Variants in SMYD3 observed in about 807,000 individuals in gnomAD.
SMYD3 encodes the protein SET and MYND domain containing 3, also known as histone-lysine N-methyltransferase SMYD3.
Under a neutral mutation model 57.7 loss-of-function variants are expected in SMYD3, and 36 were observed. The observed-to-expected ratio is 0.62, with a 90% CI of 0.48 to 0.82. The LOEUF (loss-of-function observed/expected upper bound fraction) is 0.82, where lower values mean the gene tolerates loss of function less well. Ranked by LOEUF, SMYD3 falls within the 40% of genes least tolerant of loss-of-function variation. The pLI is 0.00. For missense variants in SMYD3, 515 were observed against 538.8 expected, an observed-to-expected ratio of 0.96 and a Z score of 0.44; for synonymous variants, 211 against 195.0, an observed-to-expected ratio of 1.08 and a Z score of -0.68.
chr1:246,158,154 T>C (rs181814045), intron 5 of SMYD3, among the ~76,000 whole-genome samples: 6 of 152,334 alleles, frequency 3.9e-5, no homozygotes, highest in Admixed American at 3.3e-4. Context: ...AGTGAAGACA[T>C]CTTATCCTGA....
intron 10 of SMYD3, among the ~76,000 whole-genome samples, chr1:245,808,337 ACACATACTCTTC>A (rs1351712306): frequency 1.3e-5 from 2 of 152,196 alleles, no homozygotes; most frequent in African/African-American, 4.8e-5. Context: ...GCACCCATAT[ACACATACTCTTC>A]CACATGCTGC....
intron 1 of SMYD3, among the ~76,000 whole-genome samples, chr1:246,489,292 C>T (rs542044520): frequency 6.6e-6 from 1 of 152,194 alleles, no homozygotes; most frequent in Non-Finnish European, 1.5e-5. Flanking sequence ...GCTGAGGTTG[C>T]AGTGAGCCGA....
At chr1:246,316,377 T>G (rs1203594327) in intron 5 of SMYD3, among the ~76,000 whole-genome samples, 13 of 150,620 alleles carry the variant, frequency 8.6e-5, no homozygotes, top group Non-Finnish European at 1.6e-4. Context: ...TTTTTTTTTT[T>G]TGAGAGAGTT....
intron 1 of SMYD3, among the ~76,000 whole-genome samples, chr1:246,444,469 G>A (rs1008335365): frequency 1.3e-5 from 2 of 152,124 alleles, no homozygotes; most frequent in Non-Finnish European, 2.9e-5. Context: ...GGGTGAACCA[G>A]AGGATTTACA....
intron 10 of SMYD3, among the ~76,000 whole-genome samples, chr1:245,855,354 G>T (rs2148467513): frequency 1.3e-5 from 2 of 152,146 alleles, no homozygotes; most frequent in Admixed American, 1.3e-4. Flanking sequence ...ATACAGTGGT[G>T]CTATCAAAGG....
At chr1:246,041,571 G>A (rs970042560) in intron 5 of SMYD3, among the ~76,000 whole-genome samples, 3 of 152,210 alleles carry the variant, frequency 2.0e-5, no homozygotes, top group African/African-American at 4.8e-5. Flanking sequence ...GCCCTACGTC[G>A]TATGCACACG....
At position 246,464,898 on chromosome 1, in the gene SMYD3, AAT is replaced by A. The variant is rs576267745; in HGVS notation, c.164+42154_164+42155del. On this transcript the variant is annotated intron_variant, in intron 1 of 11. Transcript: ENST00000490107. The stretch of plus-strand genomic sequence containing the variant: ...AAGAAAGAAGAGGGTTTTGTCATAT[AAT>A]CTGATTTTAGCTTGACTTGGGAAAC... Among the ~76,000 whole-genome samples the A allele has an allele frequency of 6.6e-4, 100 of 152,316 alleles. 3 individuals are homozygous for A. Among genetic ancestry groups the A allele is most frequent in the Middle Eastern group, 6.8e-3 (2 of 294 alleles).
chr1:246,309,601 T>C (rs1448934764), intron 5 of SMYD3, among the ~76,000 whole-genome samples: 1 of 152,218 alleles, frequency 6.6e-6, no homozygotes, highest in African/African-American at 2.4e-5. Context: ...GCTTTGAAAT[T>C]ACATTCAGAA....
At position 246,312,417 on chromosome 1, in the gene SMYD3, G is replaced by A. The variant is rs550149559; in HGVS notation, c.531+14784C>T. ...GGATTTTAATAATAACTGGGACAGTGACAAAACAATATAAAAATAAAACAA... is the reference window on the plus strand; with the variant it reads ...GGATTTTAATAATAACTGGGACAGTAACAAAACAATATAAAAATAAAACAA... On this transcript the variant is annotated intron_variant, in intron 5 of 11. Coordinates refer to ENST00000490107, the MANE Select transcript of SMYD3 (RefSeq NM_001167740.2). Among the ~76,000 whole-genome samples, 9 of 152,106 alleles carry A rather than the reference G, an allele frequency of 5.9e-5. No homozygotes were observed. In the South Asian group the frequency reaches 1.9e-3, roughly 32 times the overall value.
At chr1:245,851,279 T>C (rs1428721834) in intron 10 of SMYD3, among the ~76,000 whole-genome samples, 1 of 152,216 alleles carries the variant, frequency 6.6e-6, no homozygotes, top group East Asian at 1.9e-4. Flanking sequence ...GACTTTGTAT[T>C]GCCTGTTTCG....
chr1:246,507,001 CCAG>C, intron 1 of SMYD3, 50 bp downstream of exon 1: 7 of 1,159,182 alleles, frequency 6.0e-6, no homozygotes, highest in Non-Finnish European at 6.9e-6. Flanking sequence ...CCCCCCCTCC[CCAG>C]CACCCCACAC....
intron 10 of SMYD3, among the ~76,000 whole-genome samples, chr1:245,798,037 C>G (rs2047628068): frequency 6.6e-6 from 1 of 152,044 alleles, no homozygotes; most frequent in Admixed American, 6.6e-5. Context: ...GCATCAACGT[C>G]CAGTGTGTCC....
chr1:245,984,737 C>G (rs534516725), intron 5 of SMYD3, among the ~76,000 whole-genome samples: 1 of 152,266 alleles, frequency 6.6e-6, no homozygotes, highest in East Asian at 1.9e-4. Context: ...TTTTGAGTCT[C>G]TCCTTTCATA....
intron 5 of SMYD3, among the ~76,000 whole-genome samples, chr1:246,014,686 T>C (rs1264035525): frequency 6.6e-6 from 1 of 152,192 alleles, no homozygotes; most frequent in South Asian, 2.1e-4. Context: ...TAACTTCTTT[T>C]AATTTCCTAT....
intron 5 of SMYD3, among the ~76,000 whole-genome samples, chr1:246,050,592 T>C (rs2148324843): frequency 6.6e-6 from 1 of 152,276 alleles, no homozygotes; most frequent in Non-Finnish European, 1.5e-5. Context: ...AGGCCAGACA[T>C]GATGAAGATG....
chr1:245,920,167 G>T (rs946243428), intron 7 of SMYD3, among the ~76,000 whole-genome samples: 1 of 152,044 alleles, frequency 6.6e-6, no homozygotes, highest in African/African-American at 2.4e-5. Context: ...CAAAAAATTA[G>T]CCAGGCGTGG....
chr1:245,773,980 A>G (rs1187600599), intron 10 of SMYD3, among the ~76,000 whole-genome samples: 1 of 152,222 alleles, frequency 6.6e-6, no homozygotes, highest in Non-Finnish European at 1.5e-5. Flanking sequence ...AGTTTATAAA[A>G]GTTGGTTTAT....
intron 5 of SMYD3, chr1:246,052,517 T>C (rs1446285773): frequency 6.6e-6 from 1 of 152,254 alleles, no homozygotes; most frequent in Non-Finnish European, 1.5e-5. Flanking sequence ...GAGTTTGAGA[T>C]GGTGAATTAA....
Position 246,507,267 on chromosome 1 carries a change from C to G in SMYD3, c.-50G>C, listed in dbSNP as rs1290448169. 6 of 1,446,850 alleles carry G rather than the reference C, an allele frequency of 4.1e-6. No homozygotes were observed. Among genetic ancestry groups the G allele is most frequent in the African/African-American group, 1.5e-5 (1 of 67,494 alleles). The allele number at this position is 1,446,850 out of a possible 1,614,324, so 89.6% of individuals were successfully genotyped here. ...ACGGCTACCCGCGTCCAGCAGCGGG[C>G]GTCTCACGGGCTGCCGGGACCCGCG... On this transcript the variant is annotated 5_prime_UTR_variant, in exon 1 of 12. Transcript: ENST00000490107.
Sources: gnomAD v4.1 joint callset for allele counts (sites outside exome capture counted in the v4.1 genomes callset) on GRCh38, gnomAD v4.1.1 for gene constraint, MANE v1.5 for transcripts, NCBI Gene and HGNC (gene_info 2026-07-23, HGNC 2026-07-21) for gene names.